The following KREMEN1 variants were observed in gnomAD, a reference collection of about 807,000 sequenced individuals.
KREMEN1 encodes the protein kringle containing transmembrane protein 1.
KREMEN1 carries 30 observed loss-of-function variants against 46.5 expected under a neutral mutation model. The observed-to-expected ratio is 0.65, with a 90% CI of 0.48 to 0.88. The LOEUF (loss-of-function observed/expected upper bound fraction) is 0.88, where lower values mean the gene tolerates loss of function less well. Among genes scored for constraint, KREMEN1 ranks in the 40% least tolerant of loss-of-function variants. The probability of loss-of-function intolerance (pLI) is 0.00; values close to 1 mark genes in which losing one functional copy is unlikely to be tolerated. For missense variants in KREMEN1, 533 were observed against 596.9 expected, an observed-to-expected ratio of 0.89 and a Z score of 1.11; for synonymous variants, 214 against 230.6, an observed-to-expected ratio of 0.93 and a Z score of 0.65.
chr22:29,149,844 C>T (rs2038901385), downstream of KREMEN1, among the ~76,000 whole-genome samples: 1 of 152,164 alleles, frequency 6.6e-6, no homozygotes, highest in East Asian at 1.9e-4. Context: ...AGCACCAGGG[C>T]AGCACCAGCC....
intron 1 of KREMEN1, among the ~76,000 whole-genome samples, chr22:29,084,494 C>G (rs1222717001): frequency 6.6e-6 from 1 of 152,096 alleles, no homozygotes; most frequent in Non-Finnish European, 1.5e-5. Context: ...CTGGCAGAAA[C>G]ACACATGCTT....
At chr22:29,131,588 GTGTGTGTA>G (rs1180284366) in intron 5 of KREMEN1, among the ~76,000 whole-genome samples, 3 of 133,628 alleles carry the variant, frequency 2.2e-5, no homozygotes, top group Admixed American at 7.6e-5. Flanking sequence ...GTGTGTGTGT[GTGTGTGTA>G]TATGTATATA....
chr22:29,093,900 A>G (rs1414461939), intron 1 of KREMEN1, among the ~76,000 whole-genome samples: 1 of 152,242 alleles, frequency 6.6e-6, no homozygotes, highest in Non-Finnish European at 1.5e-5. Flanking sequence ...CAGAGTATCC[A>G]GAATTCCACA....
intron 9 of KREMEN1, among the ~76,000 whole-genome samples, chr22:29,153,271 C>T (rs2038932103): frequency 6.6e-6 from 1 of 152,128 alleles, no homozygotes; most frequent in Non-Finnish European, 1.5e-5. Context: ...TCTTGTGAAG[C>T]CAGTCCTGCC....
At position 29,141,951 on chromosome 22, in the gene KREMEN1, C is replaced by T. The variant is rs1242547094; in HGVS notation, c.1216C>T (p.Arg406Cys). The T allele has an allele frequency of 6.3e-7, 1 of 1,597,026 alleles. No homozygotes were observed. Among genetic ancestry groups the T allele is most frequent in the Non-Finnish European group, 8.5e-7 (1 of 1,173,812 alleles). ...ILLHVTFKSH[R>C]VPASGDLRDC... ...TATTTATCTGCTTGACAGATCCCATCGTGTTCCTGCTTCAGGGGACCTTAG... is the reference window on the plus strand; with the variant it reads ...TATTTATCTGCTTGACAGATCCCATTGTGTTCCTGCTTCAGGGGACCTTAG... Residue 406 changes from arginine to cysteine, a missense_variant, in exon 9 of 9, where the codon CGT becomes TGT. Arg to Cys is a radical substitution (Grantham distance 180). Coordinates refer to ENST00000400335, the MANE Select transcript of KREMEN1 (RefSeq NM_001039570.3).
At chr22:29,124,832 A>C (rs929142615) in intron 4 of KREMEN1, among the ~76,000 whole-genome samples, 1 of 152,202 alleles carries the variant, frequency 6.6e-6, no homozygotes, top group African/African-American at 2.4e-5. Context: ...AATTTATAGA[A>C]CTATATGCCA....
Position 29,142,885 on chromosome 22 carries a change from C to T in KREMEN1, c.*773C>T, listed in dbSNP as rs1321194112. ...ATCCATTCAGCTGGGCGCGATGGCT[C>T]ATGCCTGTAATCCCAGCACTGTGGG... On this transcript the variant is annotated 3_prime_UTR_variant, in exon 9 of 9. Transcript: ENST00000400335. 1.0e-6 allele frequency: 1 copy of T among 984,628 alleles called. No homozygotes were observed. Among genetic ancestry groups the T allele is most frequent in the Non-Finnish European group, 1.2e-6 (1 of 829,158 alleles). 61.0% of individuals were successfully genotyped at this position (984,628 alleles called of 1,614,324 possible). A position where few individuals can be genotyped will look rare whatever the true frequency, so the allele number is the denominator to read the frequency against.
intron 9 of KREMEN1, among the ~76,000 whole-genome samples, chr22:29,159,135 T>TG (rs2038988643): frequency 2.0e-5 from 3 of 150,210 alleles, no homozygotes; most frequent in African/African-American, 4.9e-5. Flanking sequence ...TTTTTTTTTT[T>TG]TTTTTTTTTT....
Position 29,137,409 on chromosome 22 carries a change from C to G in KREMEN1, c.699C>G (p.Pro233=). 6.4e-7 allele frequency: 1 copy of G among 1,573,166 alleles called. No homozygotes were observed. Among genetic ancestry groups the G allele is most frequent in the South Asian group, 1.1e-5 (1 of 87,452 alleles). The change falls in exon 6 of 9, where the codon CCC becomes CCG. Residue 233 remains proline, a synonymous_variant. Transcript: ENST00000400335. ...MSSVVYSPDF[P]DTYATGRVCY... Reference sequence around the variant, plus strand: ...CTGTGGTCTATTCCCCTGACTTCCCCGACACCTATGCCACGGGGAGGGTCT... The same window carrying G: ...CTGTGGTCTATTCCCCTGACTTCCCGGACACCTATGCCACGGGGAGGGTCT...
chr22:29,080,993 AT>A lies in KREMEN1; in HGVS notation c.97+7777del, dbSNP rs1397503789. The stretch of plus-strand genomic sequence containing the variant: ...CAAGCTTTCCTGTTACCAGCAATGA[AT>A]TTTTTTTTTTATACTTTAAGTTTTA... On this transcript the variant is annotated intron_variant, in intron 1 of 8. Transcript: ENST00000400335. Among the ~76,000 whole-genome samples the A allele has an allele frequency of 8.6e-3, 930 of 108,652 alleles. 1 individual carries two copies. Among genetic ancestry groups the A allele is most frequent in the Middle Eastern group, 0.034 (7 of 206 alleles). 71.3% of individuals were successfully genotyped at this position (108,652 alleles called of 152,430 possible).
intron 5 of KREMEN1, among the ~76,000 whole-genome samples, chr22:29,131,646 ATATATATG>A (rs1355261902): frequency 4.4e-5 from 5 of 114,618 alleles, no homozygotes; most frequent in Admixed American, 2.6e-4. Context: ...ATATGTGTGT[ATATATATG>A]TATATATATA....
In KREMEN1 at chr22:29,144,417, AC is replaced by A; in HGVS notation, c.*2309del. 8 of 985,492 alleles carry A rather than the reference AC, an allele frequency of 8.1e-6. No homozygotes were observed. The highest frequency in any genetic ancestry group is 9.6e-6 in the Non-Finnish European group (8 of 830,034). 61.0% of individuals were successfully genotyped at this position (985,492 alleles called of 1,614,324 possible). On this transcript the variant is annotated 3_prime_UTR_variant, in exon 9 of 9. Coordinates refer to ENST00000400335, the MANE Select transcript of KREMEN1 (RefSeq NM_001039570.3). ...ACAGGCAGGCAGGGGCAGGACTGCC[AC>A]CCCAGGCCCCGTGGGAGGCCTGCTG...
chr22:29,114,506 AG>A (rs1336557320), intron 3 of KREMEN1, among the ~76,000 whole-genome samples: 1 of 150,070 alleles, frequency 6.7e-6, no homozygotes, highest in Non-Finnish European at 1.5e-5. Context: ...AAAAAAAAAA[AG>A]GAGCGGAAGA....
At chr22:29,099,228 G>C in intron 3 of KREMEN1, 1 of 328,342 alleles carries the variant, frequency 3.0e-6, no homozygotes, top group Non-Finnish European at 5.6e-6. Context: ...ATTCTTTCAG[G>C]TATAGAGAGG....
chr22:29,150,278 A>ATCT (rs149365562), downstream of KREMEN1, among the ~76,000 whole-genome samples: 3,258 of 152,152 alleles, frequency 0.021, 41 homozygotes, highest in Middle Eastern at 0.068. Context: ...CAGGACGCCC[A>ATCT]TCTCCAGGAC....
At chr22:29,128,711 G>A (rs1256182309) in intron 5 of KREMEN1, among the ~76,000 whole-genome samples, 1 of 152,150 alleles carries the variant, frequency 6.6e-6, no homozygotes, top group Non-Finnish European at 1.5e-5. Flanking sequence ...GATGCCAAGT[G>A]CTTTTGTGAA....
In KREMEN1 at chr22:29,143,538, C is replaced by T. The variant is rs371336766; in HGVS notation, c.*1426C>T. ...CGGGTGGATCACGAGGTCAGGTGAT[C>T]GAAACCATCCTGGCTAAGATGGTGA... On this transcript the variant is annotated 3_prime_UTR_variant, in exon 9 of 9. Transcript: ENST00000400335. 103 of 857,796 alleles carry T rather than the reference C, an allele frequency of 1.2e-4. No homozygotes were observed. In the African/African-American group the frequency reaches 1.5e-3, roughly 12 times the overall value. The allele number at this position is 857,796 out of a possible 1,614,324, so 53.1% of individuals were successfully genotyped here.
intron 3 of KREMEN1, among the ~76,000 whole-genome samples, chr22:29,101,394 G>A (rs1293293421): frequency 6.6e-6 from 1 of 151,910 alleles, no homozygotes; most frequent in African/African-American, 2.4e-5. Flanking sequence ...AAGTAAAAAA[G>A]TTATAGTAAG....
At chr22:29,094,108 C>A in intron 1 of KREMEN1, 150 bp from the exon 2 acceptor site, 1 of 616,060 alleles carries the variant, frequency 1.6e-6, no homozygotes, top group Non-Finnish European at 2.8e-6. Flanking sequence ...TTTATTCAGC[C>A]CCAGAAGTGT....
Sources: gnomAD v4.1 joint callset for allele counts (sites outside exome capture counted in the v4.1 genomes callset) on GRCh38, gnomAD v4.1.1 for gene constraint, MANE v1.5 for transcripts, NCBI Gene and HGNC (gene_info 2026-07-23, HGNC 2026-07-21) for gene names.